Variants in SKIC3 observed in about 807,000 individuals in gnomAD.
The protein encoded by SKIC3 is SKI3 subunit of superkiller complex, also known as superkiller complex protein 3.
At chr5:95,541,457 C>T in the SKIC3 span, 1 of 1,341,906 alleles carries the variant, frequency 7.5e-7, no homozygotes, top group South Asian at 1.2e-5. Flanking sequence ...ACTTAAAACA[C>T]TAAAATTTAA....
chr5:95,475,016 C>T, the SKIC3 span, among the ~76,000 whole-genome samples: 674 of 152,212 alleles, frequency 4.4e-3, 4 homozygotes, highest in Admixed American at 7.4e-3. Context: ...ATTATTTTAC[C>T]GGATTCCTTG....
the SKIC3 span, chr5:95,541,733 G>T: frequency 1.0e-6 from 1 of 1,003,838 alleles, no homozygotes; most frequent in Non-Finnish European, 1.5e-6. Flanking sequence ...AGTAAATGCT[G>T]GAATACTTCT....
the SKIC3 span, among the ~76,000 whole-genome samples, chr5:95,496,961 T>C: frequency 4.6e-5 from 7 of 152,330 alleles, no homozygotes; most frequent in East Asian, 1.2e-3. Flanking sequence ...TAATCCTTCA[T>C]AGAGTGTCAG....
the SKIC3 span, chr5:95,543,461 A>T: frequency 9.9e-7 from 1 of 1,007,776 alleles, no homozygotes; most frequent in South Asian, 1.4e-5. Context: ...ATGCCATTTA[A>T]CCTATCTGGT....
chr5:95,518,931 T>C, the SKIC3 span, among the ~76,000 whole-genome samples: 1 of 152,014 alleles, frequency 6.6e-6, no homozygotes, highest in Non-Finnish European at 1.5e-5. Context: ...CCATAAACCA[T>C]ATAAGAGTTC....
the SKIC3 span, chr5:95,541,201 G>T: frequency 9.7e-7 from 1 of 1,034,046 alleles, no homozygotes; most frequent in Non-Finnish European, 1.5e-6. Flanking sequence ...CCCGACCTCA[G>T]GTGATCTGCC....
the SKIC3 span, chr5:95,478,176 A>T: frequency 7.9e-7 from 1 of 1,259,586 alleles, no homozygotes; most frequent in Non-Finnish European, 1.1e-6. Context: ...AAGCCACACT[A>T]GAACACAATG....
chr5:95,552,181 C>T, the SKIC3 span, among the ~76,000 whole-genome samples: 22 of 152,008 alleles, frequency 1.4e-4, no homozygotes, highest in African/African-American at 5.3e-4. Context: ...CATGGTGTAA[C>T]CCACCATAAG....
At chr5:95,523,355 T>C in the SKIC3 span, 1 of 1,581,994 alleles carries the variant, frequency 6.3e-7, no homozygotes, top group Non-Finnish European at 8.7e-7. Flanking sequence ...TAATATTAGA[T>C]ATATTGAACA....
At chr5:95,479,652 G>A in the SKIC3 span, among the ~76,000 whole-genome samples, 1 of 150,704 alleles carries the variant, frequency 6.6e-6, no homozygotes, top group Non-Finnish European at 1.5e-5. Flanking sequence ...TCATAGGTAT[G>A]CATGTATGTA....
the SKIC3 span, among the ~76,000 whole-genome samples, chr5:95,540,201 A>C: frequency 6.6e-6 from 1 of 152,210 alleles, no homozygotes; most frequent in African/African-American, 2.4e-5. Context: ...TAAACCAAAC[A>C]TCGTATGTTC....
the SKIC3 span, among the ~76,000 whole-genome samples, chr5:95,535,986 TA>T: frequency 1.1e-4 from 17 of 148,348 alleles, no homozygotes; most frequent in Admixed American, 2.7e-4. Flanking sequence ...TTCAGGTTAT[TA>T]AAAAAAAAAA....
chr5:95,492,686 A>C, the SKIC3 span, among the ~76,000 whole-genome samples: 1 of 141,504 alleles, frequency 7.1e-6, no homozygotes, highest in Non-Finnish European at 1.5e-5. Context: ...AAAAAAAAAA[A>C]AAACAAGACA....
At chr5:95,536,683 A>G in the SKIC3 span, 9 of 770,420 alleles carry the variant, frequency 1.2e-5, no homozygotes, top group Non-Finnish European at 2.1e-5. Flanking sequence ...ACTACACATT[A>G]TACTTCTTTT....
At chr5:95,535,185 C>G in the SKIC3 span, among the ~76,000 whole-genome samples, 1 of 151,970 alleles carries the variant, frequency 6.6e-6, no homozygotes, top group African/African-American at 2.4e-5. Context: ...ACTCACTATA[C>G]TTTTTATGTT....
chr5:95,512,963 G>A, the SKIC3 span: 1 of 285,028 alleles, frequency 3.5e-6, no homozygotes. Flanking sequence ...ATCTAGAAAT[G>A]TCTACCATGC....
At chr5:95,541,904 C>A in the SKIC3 span, 6 of 1,606,994 alleles carry the variant, frequency 3.7e-6, no homozygotes, top group Middle Eastern at 1.7e-4. Context: ...AGTTTGCTAA[C>A]CCCTAAAAGA....
chr5:95,464,829 C>A, the SKIC3 span: 4 of 633,060 alleles, frequency 6.3e-6, no homozygotes, highest in Admixed American at 2.4e-5. Context: ...TGCAATCTTT[C>A]AGTCACTTTT....
At chr5:95,505,584 C>T in the SKIC3 span, among the ~76,000 whole-genome samples, 3 of 152,014 alleles carry the variant, frequency 2.0e-5, no homozygotes, top group South Asian at 2.1e-4. Flanking sequence ...GAGGCCAAGG[C>T]GGGCGAATCA....
Sources: gnomAD v4.1 joint callset for allele counts (sites outside exome capture counted in the v4.1 genomes callset) on GRCh38, gnomAD v4.1.1 for gene constraint, MANE v1.5 for transcripts, NCBI Gene and HGNC (gene_info 2026-07-23, HGNC 2026-07-21) for gene names.